The following PSD3 variants were observed in gnomAD, a reference collection of about 807,000 sequenced individuals.
PSD3 encodes pleckstrin and Sec7 domain containing 3.
PSD3 carries 49 observed loss-of-function variants against 105.5 expected under a neutral mutation model. The ratio of observed to expected loss-of-function variants is 0.46; its 90% CI spans 0.37 to 0.59. The LOEUF (loss-of-function observed/expected upper bound fraction) is 0.59, where lower values mean the gene tolerates loss of function less well. PSD3 is among the 20% of genes least tolerant of loss of function. PSD3 has a pLI of 0.00. For synonymous variants in PSD3, 557 were observed against 457.8 expected, an observed-to-expected ratio of 1.22 and a Z score of -2.77; for missense variants, 1,561 against 1,263.8, an observed-to-expected ratio of 1.24 and a Z score of -3.57.
Position 18,616,607 on chromosome 8 carries a change from C to T in PSD3, c.2410+16006G>A, listed in dbSNP as rs1344935341. Among the ~76,000 whole-genome samples, 3 of 144,042 alleles carry T rather than the reference C, an allele frequency of 2.1e-5. No homozygotes were observed. The East Asian group carries it at 6.1e-4, about 29-fold the overall frequency. 94.5% of individuals were successfully genotyped at this position (144,042 alleles called of 152,430 possible). On this transcript the variant is annotated intron_variant, in intron 11 of 15. Coordinates refer to ENST00000327040, the MANE Select transcript of PSD3 (RefSeq NM_015310.4). ...AGGAACACCTTTGCTAGCCAGGCCTCATCTTCCTCTCTTTTCTTTTCTTTT... is the reference window on the plus strand; with the variant it reads ...AGGAACACCTTTGCTAGCCAGGCCTTATCTTCCTCTCTTTTCTTTTCTTTT...
At chr8:18,591,016 G>A (rs918942083) in intron 12 of PSD3, among the ~76,000 whole-genome samples, 3 of 152,086 alleles carry the variant, frequency 2.0e-5, no homozygotes, top group Non-Finnish European at 4.4e-5. Context: ...AGCAGAATAG[G>A]TAGTCCCAGC....
At chr8:18,754,024 T>G (rs79212102) in intron 9 of PSD3, among the ~76,000 whole-genome samples, 2,472 of 152,262 alleles carry the variant, frequency 0.016, 54 homozygotes, top group Middle Eastern at 0.048. Flanking sequence ...CTGAGGAACA[T>G]CACTTCCTTG....
chr8:18,676,539 G>A (rs1406003543), intron 9 of PSD3, among the ~76,000 whole-genome samples: 1 of 152,162 alleles, frequency 6.6e-6, no homozygotes, highest in Non-Finnish European at 1.5e-5. Flanking sequence ...CTGGCCTTAG[G>A]AGATTTAACA....
intron 9 of PSD3, among the ~76,000 whole-genome samples, chr8:18,764,240 C>G (rs1806783484): frequency 6.6e-6 from 1 of 152,142 alleles, no homozygotes; most frequent in African/African-American, 2.4e-5. Flanking sequence ...ATTTTCCATG[C>G]AAATATCACT....
intron 12 of PSD3, among the ~76,000 whole-genome samples, chr8:18,590,189 T>A (rs952976213): frequency 3.3e-5 from 5 of 152,228 alleles, no homozygotes; most frequent in African/African-American, 1.2e-4. Context: ...ATTATTATAA[T>A]ATTTTGAAAA....
intron 12 of PSD3, among the ~76,000 whole-genome samples, chr8:18,578,074 C>A (rs2130381022): frequency 6.6e-6 from 1 of 152,202 alleles, no homozygotes; most frequent in African/African-American, 2.4e-5. Flanking sequence ...TGCTATTCTA[C>A]CATCTTCTAG....
chr8:18,668,492 G>A (rs1226204616), intron 9 of PSD3, among the ~76,000 whole-genome samples: 2 of 152,144 alleles, frequency 1.3e-5, no homozygotes, highest in African/African-American at 2.4e-5. Context: ...AACTCTCACA[G>A]CAGCCATATA....
chr8:18,667,800 G>A (rs1799562537), intron 9 of PSD3, among the ~76,000 whole-genome samples: 1 of 152,186 alleles, frequency 6.6e-6, no homozygotes, highest in Non-Finnish European at 1.5e-5. Context: ...CAGGCATGGC[G>A]GGCTGCAGAG....
At chr8:19,059,559 G>C (rs189744345) in intron 1 of PSD3, among the ~76,000 whole-genome samples, 1 of 152,156 alleles carries the variant, frequency 6.6e-6, no homozygotes, top group Non-Finnish European at 1.5e-5. Flanking sequence ...ACTTTATTGG[G>C]TAACATCAGA....
At chr8:18,910,636 A>AT in intron 2 of PSD3, among the ~76,000 whole-genome samples, 2 of 85,286 alleles carry the variant, frequency 2.3e-5, no homozygotes, top group South Asian at 4.5e-4. Context: ...TTAGAGTATA[A>AT]TAAAAAAAAA....
intron 8 of PSD3, among the ~76,000 whole-genome samples, chr8:18,782,670 G>C (rs946405768): frequency 1.3e-5 from 2 of 152,222 alleles, no homozygotes; most frequent in Non-Finnish European, 2.9e-5. Context: ...TGTGCTAGCA[G>C]TGGCAACAAT....
chr8:19,052,700 A>G (rs1379902849), intron 1 of PSD3, among the ~76,000 whole-genome samples: 1 of 152,126 alleles, frequency 6.6e-6, no homozygotes, highest in Admixed American at 6.5e-5. Flanking sequence ...AGAATGGGTC[A>G]GATTGTCTAC....
At chr8:18,610,458 C>G (rs542568766) in intron 11 of PSD3, among the ~76,000 whole-genome samples, 3 of 152,284 alleles carry the variant, frequency 2.0e-5, no homozygotes, top group African/African-American at 7.2e-5. Flanking sequence ...CTGTATGTCA[C>G]TTCCCTTTGT....
intron 15 of PSD3, among the ~76,000 whole-genome samples, chr8:18,539,572 G>A (rs556110869): frequency 6.2e-5 from 9 of 145,072 alleles, no homozygotes; most frequent in Admixed American, 1.4e-4. Flanking sequence ...TTTTTGAGAC[G>A]GAGTCTTGCT....
chr8:18,811,007 T>C lies in PSD3; in HGVS notation c.1635-6109A>G, dbSNP rs138484016. 1.9e-4 allele frequency among the ~76,000 whole-genome samples: 29 copies of C among 152,366 alleles called. 1 individual carries two copies. The East Asian group carries it at 3.9e-3, about 20-fold the overall frequency. ...AAATAATTTTGTCCATCATTATCTATGGCATTTATTTCCTAGGCATTGTAG... is the reference window on the plus strand; with the variant it reads ...AAATAATTTTGTCCATCATTATCTACGGCATTTATTTCCTAGGCATTGTAG... On this transcript the variant is annotated intron_variant, in intron 4 of 15. Transcript: ENST00000327040.
At chr8:18,928,743 T>C (rs1278237119) in intron 2 of PSD3, among the ~76,000 whole-genome samples, 1 of 151,972 alleles carries the variant, frequency 6.6e-6, no homozygotes, top group Non-Finnish European at 1.5e-5. Flanking sequence ...TTTCTTTCTT[T>C]CCTTCCTTCC....
intron 12 of PSD3, among the ~76,000 whole-genome samples, chr8:18,589,711 C>A (rs962339755): frequency 6.6e-6 from 1 of 152,174 alleles, no homozygotes; most frequent in Non-Finnish European, 1.5e-5. Flanking sequence ...ATCAAAGTGG[C>A]AAGAAGCAGC....
chr8:18,542,352 T>A (rs1800199305), intron 15 of PSD3, among the ~76,000 whole-genome samples: 1 of 152,216 alleles, frequency 6.6e-6, no homozygotes, highest in African/African-American at 2.4e-5. Context: ...TACCTTTGGA[T>A]ACATAATTCC....
chr8:18,718,067 C>G (rs188386385), intron 9 of PSD3, among the ~76,000 whole-genome samples: 1 of 152,136 alleles, frequency 6.6e-6, no homozygotes, highest in Non-Finnish European at 1.5e-5. Flanking sequence ...CAAGCACATT[C>G]GGCAGAAATG....
Sources: gnomAD v4.1 joint callset for allele counts (sites outside exome capture counted in the v4.1 genomes callset) on GRCh38, gnomAD v4.1.1 for gene constraint, MANE v1.5 for transcripts, NCBI Gene and HGNC (gene_info 2026-07-23, HGNC 2026-07-21) for gene names.